Variants in ACOT8 observed in about 807,000 individuals in gnomAD.
ACOT8 encodes the protein acyl-coenzyme A thioesterase 8.
A neutral mutation model predicts 38.4 loss-of-function variants in ACOT8; 31 were observed. The observed-to-expected ratio is 0.81, with a 90% CI of 0.61 to 1.09. The LOEUF (loss-of-function observed/expected upper bound fraction) is 1.09. Among genes scored for constraint, ACOT8 ranks in the 50% least tolerant of loss-of-function variants. The pLI is 0.00. For synonymous variants in ACOT8, 158 were observed against 170.3 expected (o/e 0.93, Z 0.56); for missense variants, 373 against 421.8 (o/e 0.88, Z 1.01).
chr20:45,849,401 C>T (rs1372042389), intron 2 of ACOT8, among the ~76,000 whole-genome samples: 1 of 151,964 alleles, frequency 6.6e-6, no homozygotes, highest in Non-Finnish European at 1.5e-5. Flanking sequence ...TCCTGTGACT[C>T]AGCCTCCTGA....
intron 1 of ACOT8, among the ~76,000 whole-genome samples, chr20:45,856,011 C>T (rs902150897): frequency 6.6e-6 from 1 of 152,138 alleles, no homozygotes; most frequent in African/African-American, 2.4e-5. Flanking sequence ...TGTAATCAAT[C>T]CCAGCACTTT....
intron 2 of ACOT8, among the ~76,000 whole-genome samples, 200 bp downstream of exon 2, chr20:45,854,959 G>A (rs1350468545): frequency 6.6e-6 from 1 of 152,186 alleles, no homozygotes; most frequent in African/African-American, 2.4e-5. Context: ...TACCCAGTGA[G>A]TCCCAGCAGG....
intron 3 of ACOT8, among the ~76,000 whole-genome samples, chr20:45,844,696 C>T (rs1398431338): frequency 6.6e-6 from 1 of 152,208 alleles, no homozygotes; most frequent in East Asian, 1.9e-4. Flanking sequence ...ACTGTGAAGA[C>T]AAGATCATGA....
At chr20:45,854,042 C>T in intron 2 of ACOT8, 1 of 1,186,312 alleles carries the variant, frequency 8.4e-7, no homozygotes, top group Non-Finnish European at 1.1e-6. Flanking sequence ...TGTTTTTTAG[C>T]ATAGGTTTTG....
intron 3 of ACOT8, among the ~76,000 whole-genome samples, chr20:45,844,776 CA>C (rs1201215667): frequency 7.9e-5 from 12 of 152,154 alleles, no homozygotes; most frequent in Non-Finnish European, 1.6e-4. Flanking sequence ...ATTGTACATA[CA>C]ATAGTATTCC....
rs750074551 is a variant in ACOT8, at chr20:45,848,536, G to A, written c.402C>T (p.Ser134=). Residue 134 remains serine, a synonymous_variant, in exon 3 of 6, where the codon AGC becomes AGT. Transcript: ENST00000217455. ...CQASFQQAQP[S]PMQHQFSMPT... ...GCATGGAGAACTGGTGCTGCATGGG[G>A]CTGGGCTGGGCCTGCTGGAAGGAGG... 3.1e-5 allele frequency: 50 copies of A among 1,614,092 alleles called. No homozygotes were observed. The highest frequency in any genetic ancestry group is 5.0e-5 in the Admixed American group (3 of 60,010).
intron 1 of ACOT8, 126 bp downstream of exon 1, chr20:45,857,062 A>C: frequency 8.6e-7 from 1 of 1,161,306 alleles, no homozygotes; most frequent in South Asian, 1.5e-5. Flanking sequence ...TTCTCTCCTA[A>C]TCGTGGCAGA....
chr20:45,850,791 G>A (rs1166846487), intron 2 of ACOT8, among the ~76,000 whole-genome samples: 1 of 152,202 alleles, frequency 6.6e-6, no homozygotes, highest in Non-Finnish European at 1.5e-5. Flanking sequence ...GAGGCCAGGA[G>A]ATCAAGGCTG....
At position 45,844,281 on chromosome 20, in the gene ACOT8, G is replaced by A. The variant is rs758520030; in HGVS notation, c.628C>T (p.Arg210Ter). Residue 210 changes from arginine (R) to a stop codon, truncating the protein, a stop_gained, in exon 4 of 6, where the codon CGA (arginine) becomes TGA (stop). Coordinates refer to ENST00000217455, the MANE Select transcript of ACOT8 (RefSeq NM_005469.4). LOFTEE classifies it high-confidence loss of function. ...CTCTTACCAATATAGCCCCGGGCTC[G>A]CACCCAGAACATCTGTTTGGGCTCC... ...RMEPKQMFWV[R>*]ARGYIGEGDM... is the part of the protein sequence containing the mutation. 27 of 1,614,038 alleles carry A rather than the reference G, an allele frequency of 1.7e-5. No homozygotes were observed. The highest frequency in any genetic ancestry group is 1.4e-4 in the South Asian group (13 of 91,074).
chr20:45,848,336 T>C, intron 3 of ACOT8, 114 bp downstream of exon 3: 4 of 971,888 alleles, frequency 4.1e-6, no homozygotes, highest in Non-Finnish European at 4.6e-6. Context: ...GTATCTTCTT[T>C]TCTAATCTGT....
chr20:45,842,005 TAC>T, intron 5 of ACOT8, 49 bp from the exon 6 acceptor site: 1 of 1,596,014 alleles, frequency 6.3e-7, no homozygotes, highest in Non-Finnish European at 8.5e-7. Context: ...AACAGCCAAA[TAC>T]ACTTTTTTTT....
In ACOT8 at chr20:45,855,272, G is replaced by C. The variant is rs372761702; in HGVS notation, c.149C>G (p.Pro50Arg). Residue 50 changes from proline (P) to arginine (R), a missense_variant, in exon 2 of 6, where the codon CCG (proline) becomes CGG (arginine). Physicochemically the swap from Pro to Arg is moderately radical, Grantham distance 103. Transcript: ENST00000217455. ...CTGACCACCAAACAGCCTCTTGGCCGGTACCCAGTAATGCCTTCCTCTGTA... is the reference window on the plus strand; with the variant it reads ...CTGACCACCAAACAGCCTCTTGGCCCGTACCCAGTAATGCCTTCCTCTGTA... ...DLFRGRHYWV[P>R]AKRLFGGQIV... 1.9e-6 allele frequency: 3 copies of C among 1,613,972 alleles called. No homozygotes were observed. The highest frequency in any genetic ancestry group is 2.5e-6 in the Non-Finnish European group (3 of 1,180,032).
chr20:45,841,835 T>A lies in ACOT8; in HGVS notation c.*3A>T. 6.3e-7 allele frequency: 1 copy of A among 1,599,604 alleles called. No individual in the cohort carries two copies. On this transcript the variant is annotated 3_prime_UTR_variant, in exon 6 of 6. Coordinates refer to ENST00000217455, the MANE Select transcript of ACOT8 (RefSeq NM_005469.4). ...AAGCCCCAGGCGAAGCTGGTACCTCTGGCTACAGCTTGCTCTCTGAGACCT... is the reference window on the plus strand; with the variant it reads ...AAGCCCCAGGCGAAGCTGGTACCTCAGGCTACAGCTTGCTCTCTGAGACCT...
chr20:45,847,616 G>C (rs1223278181), intron 3 of ACOT8: 1 of 149,664 alleles, frequency 6.7e-6, no homozygotes, highest in Non-Finnish European at 1.5e-5. Context: ...TGTAATCCCA[G>C]CTACTTGGGA....
At chr20:45,856,678 T>C (rs1231169187) in intron 1 of ACOT8, among the ~76,000 whole-genome samples, 1 of 152,034 alleles carries the variant, frequency 6.6e-6, no homozygotes, top group African/African-American at 2.4e-5. Flanking sequence ...AGACTCCGCC[T>C]CAAAGAAAGA....
chr20:45,852,083 G>A (rs1037304881), intron 2 of ACOT8, among the ~76,000 whole-genome samples: 6 of 152,086 alleles, frequency 3.9e-5, no homozygotes, highest in Non-Finnish European at 7.3e-5. Context: ...TCCAGCCGCC[G>A]GGTTCAAGCA....
rs1262239698 is a variant in ACOT8 at position 45,848,558 on chromosome 20, G to A, written c.380C>T (p.Ser127Phe). Residue 127 changes from serine (S) to phenylalanine (F), a missense_variant, in exon 3 of 6, where the codon TCC becomes TTC. Transcript: ENST00000217455. Reference protein sequence around the residue: ...HGKPIFICQASFQQAQPSPMQ... With the variant: ...HGKPIFICQAFFQQAQPSPMQ... ...GGGGCTGGGCTGGGCCTGCTGGAAG[G>A]AGGCCTGGCAGATGAAGATGGGCTT... The A allele has an allele frequency of 6.2e-7, 1 of 1,614,020 alleles. No homozygotes were observed. Among genetic ancestry groups the A allele is most frequent in the East Asian group, 2.2e-5 (1 of 44,890 alleles).
intron 2 of ACOT8, 27 bp from the exon 3 acceptor site, chr20:45,848,702 G>A: frequency 6.4e-7 from 1 of 1,567,532 alleles, no homozygotes; most frequent in South Asian, 1.1e-5. Context: ...GACACAGTGG[G>A]TCCACAGGCC....
intron 2 of ACOT8, chr20:45,848,940 A>G: frequency 2.6e-6 from 1 of 390,214 alleles, no homozygotes; most frequent in Non-Finnish European, 4.6e-6. Flanking sequence ...ACCACTCACC[A>G]GCCGTGTGAC....
Sources: allele counts gnomAD v4.1 joint callset (sites outside exome capture counted in the v4.1 genomes callset), GRCh38; gene constraint gnomAD v4.1.1; transcripts MANE v1.5; gene names NCBI Gene and HGNC (gene_info 2026-07-23, HGNC 2026-07-21).